Variants in PCDHA12 observed in about 807,000 individuals in gnomAD.
The protein encoded by PCDHA12 is protocadherin alpha 12, also known as protocadherin alpha-12.
PCDHA12 carries 44 observed loss-of-function variants against 60.0 expected under a neutral mutation model. The observed-to-expected ratio is 0.73, with a 90% confidence interval of 0.58 to 0.94. The LOEUF (loss-of-function observed/expected upper bound fraction) is 0.94. PCDHA12 is among the 40% of genes least tolerant of loss of function. The probability of loss-of-function intolerance (pLI) is 0.00; values close to 1 mark genes in which losing one functional copy is unlikely to be tolerated. For synonymous variants in PCDHA12, 569 were observed against 553.0 expected (o/e 1.03, Z -0.40); for missense variants, 1,276 against 1,239.7 (o/e 1.03, Z -0.44).
chr5:140,925,441 T>G (rs1458646143), intron 1 of PCDHA12, among the ~76,000 whole-genome samples: 1 of 152,136 alleles, frequency 6.6e-6, no homozygotes, highest in African/African-American at 2.4e-5. Context: ...TTAGGCAGAA[T>G]TTGGGTGTAT....
At chr5:140,883,888 T>C (rs781919107) in intron 1 of PCDHA12, 12 of 1,612,946 alleles carry the variant, frequency 7.4e-6, no homozygotes, top group African/African-American at 5.4e-5. Flanking sequence ...CGCGCGACTC[T>C]GGCGTGCCGC....
intron 1 of PCDHA12, chr5:140,927,599 C>T (rs1250728851): frequency 6.2e-7 from 1 of 1,614,070 alleles, no homozygotes; most frequent in African/African-American, 1.3e-5. Context: ...TTTGAGCGCT[C>T]CGTATACCGC....
intron 1 of PCDHA12, among the ~76,000 whole-genome samples, chr5:140,889,446 TTAATC>T (rs1274795213): frequency 7.2e-5 from 11 of 152,204 alleles, no homozygotes; most frequent in African/African-American, 2.4e-4. Flanking sequence ...ATTTTCCTGT[TTAATC>T]TAAATTTTCA....
At chr5:140,916,163 C>G (rs546851152) in intron 1 of PCDHA12, among the ~76,000 whole-genome samples, 1 of 152,066 alleles carries the variant, frequency 6.6e-6, no homozygotes, top group African/African-American at 2.4e-5. Context: ...TGAATGCTGC[C>G]AGGCCTGGGA....
In PCDHA12 at chr5:140,923,554, G is replaced by T. The variant is rs117642898; in HGVS notation, c.2367+45715G>T. Among the ~76,000 whole-genome samples the T allele has an allele frequency of 6.2e-4, 95 of 152,226 alleles. No individual in the cohort carries two copies. The East Asian group carries it at 0.017, about 28-fold the overall frequency. On this transcript the variant is annotated intron_variant, in intron 1 of 3. Coordinates refer to ENST00000398631, the MANE Select transcript of PCDHA12 (RefSeq NM_018903.4). ...AAAAAAAGGACAAAATGAAATATCA[G>T]CAATGAAAGGTCCTGCTAAAGAGAA...
intron 1 of PCDHA12, among the ~76,000 whole-genome samples, chr5:140,899,982 A>T (rs185115696): frequency 3.3e-4 from 49 of 150,716 alleles, no homozygotes; most frequent in African/African-American, 1.1e-3. Flanking sequence ...TACTTTTTTG[A>T]TTTTTTTTGT....
chr5:140,967,003 C>T, intron 1 of PCDHA12: 1 of 1,605,342 alleles, frequency 6.2e-7, no homozygotes, highest in South Asian at 1.1e-5. Context: ...GCTTGCGCAT[C>T]AACCATCTGG....
intron 1 of PCDHA12, chr5:140,884,024 G>A: frequency 6.2e-7 from 1 of 1,613,318 alleles, no homozygotes; most frequent in Non-Finnish European, 8.5e-7. Flanking sequence ...GCGGTCGGTG[G>A]GTGCAGGCCA....
chr5:140,886,373 G>A (rs2060960480), intron 1 of PCDHA12, among the ~76,000 whole-genome samples: 2 of 152,042 alleles, frequency 1.3e-5, no homozygotes. Context: ...ACATGCCATG[G>A]TGTGCTTATC....
intron 1 of PCDHA12, chr5:140,968,079 C>T (rs782150880): frequency 5.0e-6 from 8 of 1,614,142 alleles, no homozygotes; most frequent in Admixed American, 3.3e-5. Flanking sequence ...TACAACATCA[C>T]GGTGACAGCC....
At chr5:140,958,339 G>A (rs1177083248) in intron 1 of PCDHA12, among the ~76,000 whole-genome samples, 2 of 152,024 alleles carry the variant, frequency 1.3e-5, no homozygotes, top group African/African-American at 4.8e-5. Context: ...TAAATCACAG[G>A]AAGTTCACAG....
intron 1 of PCDHA12, among the ~76,000 whole-genome samples, chr5:140,935,315 A>G (rs552631416): frequency 5.9e-5 from 9 of 152,306 alleles, no homozygotes; most frequent in East Asian, 5.8e-4. Context: ...AACTTCATCA[A>G]TCTTACATTC....
At chr5:140,882,400 C>T (rs782194379) in intron 1 of PCDHA12, 10 of 1,614,172 alleles carry the variant, frequency 6.2e-6, no homozygotes, top group Admixed American at 3.3e-5. Context: ...ACGGCACCTT[C>T]GTGGGCCGCA....
At position 140,949,239 on chromosome 5, in the gene PCDHA12, C is replaced by T. The variant is rs563720988; in HGVS notation, c.2368-29710C>T. 4.0e-5 allele frequency among the ~76,000 whole-genome samples: 6 copies of T among 151,886 alleles called. No individual in the cohort carries two copies. The East Asian group carries it at 1.2e-3, about 29-fold the overall frequency. On this transcript the variant is annotated intron_variant, in intron 1 of 3. Transcript: ENST00000398631. ...TTAGACTTGTTCTGTGGCCCAGCAA[C>T]AGTCTATCTTGATGAACATATCACG...
In PCDHA12 at chr5:140,875,516, T is replaced by G; in HGVS notation, c.44T>G (p.Leu15Arg). ...GPRGPGSQRLLLSLLLLAAWE... is the reference protein window; with the variant it reads ...GPRGPGSQRLRLSLLLLAAWE... ...AGAGGCCCGGGATCCCAGCGTCTGC[T>G]GCTCTCGCTTCTGCTCCTTGCAGCC... Residue 15 changes from leucine to arginine, a missense_variant, in exon 1 of 4, where the codon CTG becomes CGG. Transcript: ENST00000398631. 6.2e-7 allele frequency: 1 copy of G among 1,613,976 alleles called. No individual in the cohort carries two copies. The highest frequency in any genetic ancestry group is 8.5e-7 in the Non-Finnish European group (1 of 1,179,880).
intron 1 of PCDHA12, chr5:140,883,837 G>A (rs1554180178): frequency 6.2e-7 from 1 of 1,612,730 alleles, no homozygotes; most frequent in East Asian, 2.2e-5. Context: ...TGCAGCCGTT[G>A]GACCACGAGG....
intron 3 of PCDHA12, among the ~76,000 whole-genome samples, chr5:140,983,261 CT>C (rs1240749572): frequency 7.9e-5 from 12 of 152,158 alleles, no homozygotes; most frequent in Admixed American, 7.9e-4. Context: ...TGTAAAAAAC[CT>C]AATGGCTGGG....
In PCDHA12 at chr5:140,875,606, T is replaced by C; in HGVS notation, c.134T>C (p.Val45Ala). Reference protein sequence around the residue: ...VYEEAKHGTFVGRIAQDLGLE... With the variant: ...VYEEAKHGTFAGRIAQDLGLE... ...GAGGAGGCCAAACACGGCACCTTCG[T>C]GGGCCGCATCGCTCAGGACCTGGGG... Residue 45 changes from valine (V) to alanine (A), a missense_variant, in exon 1 of 4, where the codon GTG becomes GCG. By Grantham distance (64) the Val-to-Ala change is moderately conservative. Transcript: ENST00000398631. The C allele has an allele frequency of 2.5e-6, 4 of 1,613,864 alleles. No individual in the cohort carries two copies. Among genetic ancestry groups the C allele is most frequent in the Middle Eastern group, 3.4e-4 (2 of 5,852 alleles).
chr5:140,921,030 G>C (rs1266143728), intron 1 of PCDHA12, among the ~76,000 whole-genome samples: 2 of 151,532 alleles, frequency 1.3e-5, no homozygotes, highest in Admixed American at 6.6e-5. Context: ...TCTAGACTGG[G>C]GTGCAGTGGG....
Sources: allele counts gnomAD v4.1 joint callset (sites outside exome capture counted in the v4.1 genomes callset), GRCh38; gene constraint gnomAD v4.1.1; transcripts MANE v1.5; gene names NCBI Gene and HGNC (gene_info 2026-07-23, HGNC 2026-07-21).